Variants in CAMTA1 observed in about 807,000 individuals in gnomAD.
CAMTA1 encodes the protein calmodulin-binding transcription activator 1.
Under a neutral mutation model 170.9 loss-of-function variants are expected in CAMTA1, and 27 were observed. The ratio of observed to expected loss-of-function variants is 0.16; its 90% confidence interval spans 0.12 to 0.22. CAMTA1 has a LOEUF of 0.22. CAMTA1 is among the 10% of genes least tolerant of loss of function. The pLI is 1.00. For synonymous variants in CAMTA1, 833 were observed against 891.5 expected (o/e 0.93, Z 1.17); for missense variants, 1,619 against 2,217.2 (o/e 0.73, Z 5.42).
intron 3 of CAMTA1, among the ~76,000 whole-genome samples, chr1:6,839,409 C>A (rs1016048793): frequency 3.3e-5 from 5 of 151,866 alleles, no homozygotes; most frequent in Admixed American, 2.6e-4. Context: ...AACAAAAAAC[C>A]CCCCCAAAAT....
intron 7 of CAMTA1, among the ~76,000 whole-genome samples, chr1:7,650,288 G>A (rs1334781596): frequency 1.3e-5 from 2 of 152,340 alleles, no homozygotes; most frequent in East Asian, 3.9e-4. Context: ...AGAGCCTCAG[G>A]ATGGCTCTAA....
intron 4 of CAMTA1, among the ~76,000 whole-genome samples, chr1:7,167,030 C>G (rs1168548744): frequency 1.3e-5 from 2 of 152,046 alleles, no homozygotes; most frequent in African/African-American, 4.8e-5. Context: ...AGACTGTTCT[C>G]AAACTCCTGA....
chr1:7,379,482 A>C (rs773534879), intron 5 of CAMTA1, among the ~76,000 whole-genome samples: 1 of 152,166 alleles, frequency 6.6e-6, no homozygotes, highest in Non-Finnish European at 1.5e-5. Flanking sequence ...TTCTTTGGTG[A>C]TGTAATTTAA....
intron 11 of CAMTA1, among the ~76,000 whole-genome samples, chr1:7,730,856 G>GC (rs1359819121): frequency 1.3e-5 from 2 of 151,976 alleles, no homozygotes; most frequent in Non-Finnish European, 1.5e-5. Context: ...CCAAGATCAT[G>GC]CCATTGCACT....
chr1:7,329,341 G>A (rs1202867411), intron 5 of CAMTA1, among the ~76,000 whole-genome samples: 1 of 152,142 alleles, frequency 6.6e-6, no homozygotes, highest in Non-Finnish European at 1.5e-5. Flanking sequence ...TGTTGCAGGT[G>A]TGTTCAAAAT....
At chr1:7,693,913 A>G (rs1475102731) in intron 11 of CAMTA1, 1 of 152,214 alleles carries the variant, frequency 6.6e-6, no homozygotes, top group Non-Finnish European at 1.5e-5. Context: ...GGCACAGCCA[A>G]CCCCTACCCT....
chr1:7,231,001 T>C (rs1039497368), intron 4 of CAMTA1, among the ~76,000 whole-genome samples: 3 of 151,852 alleles, frequency 2.0e-5, no homozygotes, highest in African/African-American at 2.4e-5. Context: ...TGGCAGCAAA[T>C]AGGAGCCATG....
rs938838534 is a variant in CAMTA1, at chr1:6,886,765, C to T, written c.234+61555C>T. Among the ~76,000 whole-genome samples the T allele has an allele frequency of 6.6e-5, 10 of 152,208 alleles. 1 individual carries two copies. The highest frequency in any genetic ancestry group is 1.3e-4 in the Non-Finnish European group (9 of 68,030). On this transcript the variant is annotated intron_variant, in intron 3 of 22. Coordinates refer to ENST00000303635, the MANE Select transcript of CAMTA1 (RefSeq NM_015215.4). ...ACAGTGTGGAGTGTTTTATCTACAG[C>T]CACTCCCTTTTTGACCCTTCCCCCA...
rs1012672442 is a variant in CAMTA1 at position 7,547,278 on chromosome 1, T to C, written c.510+79377T>C. ...AAAGTGGTGTTTAGAAGCCAAGATC[T>C]GGGCCTGAGTATGCTCACTGCTCCC... On this transcript the variant is annotated intron_variant, in intron 6 of 22. Coordinates refer to ENST00000303635, the MANE Select transcript of CAMTA1 (RefSeq NM_015215.4). The surrounding 1 kb of genome is among the most constrained non-coding windows in gnomAD (Gnocchi z 5.7). Among the ~76,000 whole-genome samples, 1 of 152,066 alleles carries C rather than the reference T, an allele frequency of 6.6e-6. No homozygotes were observed. Among genetic ancestry groups the C allele is most frequent in the Admixed American group, 6.6e-5 (1 of 15,262 alleles).
intron 22 of CAMTA1, among the ~76,000 whole-genome samples, chr1:7,765,958 C>T (rs1423825464): frequency 1.4e-5 from 2 of 145,876 alleles, no homozygotes. Flanking sequence ...ACCCGGGAGG[C>T]GGAGGTTGCA....
At chr1:6,792,665 A>G (rs376625061) in intron 1 of CAMTA1, among the ~76,000 whole-genome samples, 2 of 152,026 alleles carry the variant, frequency 1.3e-5, no homozygotes, top group African/African-American at 4.8e-5. Context: ...AGGTTCCTCC[A>G]TATTCAACCT....
intron 6 of CAMTA1, among the ~76,000 whole-genome samples, chr1:7,571,802 CA>C (rs2095129714): frequency 6.6e-6 from 1 of 152,176 alleles, no homozygotes; most frequent in African/African-American, 2.4e-5. Context: ...TGAACATATG[CA>C]TGCGTGTGTC....
Position 7,008,990 on chromosome 1 carries a change from A to C in CAMTA1, c.235-82314A>C, listed in dbSNP as rs1699407088. ...ATGGGGAAGGAGCATCTCCTGGGCC[A>C]GGAGTCCTTGGGAGCCTCCAGCATC... On this transcript the variant is annotated intron_variant, in intron 3 of 22. Coordinates refer to ENST00000303635, the MANE Select transcript of CAMTA1 (RefSeq NM_015215.4). Among the ~76,000 whole-genome samples, 2 of 152,228 alleles carry C rather than the reference A, an allele frequency of 1.3e-5. 1 individual carries two copies. Among genetic ancestry groups the C allele is most frequent in the South Asian group, 4.1e-4 (2 of 4,828 alleles).
At chr1:7,165,724 G>A (rs955685083) in intron 4 of CAMTA1, among the ~76,000 whole-genome samples, 4 of 152,122 alleles carry the variant, frequency 2.6e-5, no homozygotes, top group Admixed American at 1.3e-4. Context: ...GAGCCACCAC[G>A]CCTGGCCACA....
intron 7 of CAMTA1, among the ~76,000 whole-genome samples, chr1:7,655,123 CACCT>C (rs1291634156): frequency 4.9e-5 from 6 of 121,830 alleles, no homozygotes; most frequent in East Asian, 6.5e-4. Context: ...CCTATACACA[CACCT>C]CTATACACAC....
At chr1:7,537,554 C>T (rs1231099325) in intron 6 of CAMTA1, among the ~76,000 whole-genome samples, 1 of 152,238 alleles carries the variant, frequency 6.6e-6, no homozygotes, top group Non-Finnish European at 1.5e-5. Flanking sequence ...GGGCTGAGCC[C>T]ACGAGGCTGC....
At chr1:7,517,124 T>G (rs1371428472) in intron 6 of CAMTA1, among the ~76,000 whole-genome samples, 3 of 152,250 alleles carry the variant, frequency 2.0e-5, no homozygotes, top group African/African-American at 7.2e-5. Context: ...GACATAGATC[T>G]GCATAATCCT....
chr1:7,312,663 G>A (rs1208377627), intron 5 of CAMTA1, among the ~76,000 whole-genome samples: 3 of 152,162 alleles, frequency 2.0e-5, no homozygotes, highest in Non-Finnish European at 4.4e-5. Flanking sequence ...TCACTTTCCA[G>A]GTGCTGTCCT....
At chr1:7,019,653 C>T (rs139459271) in intron 3 of CAMTA1, among the ~76,000 whole-genome samples, 36 of 152,314 alleles carry the variant, frequency 2.4e-4, no homozygotes, top group Non-Finnish European at 4.7e-4. Context: ...AACTGAAAGC[C>T]AGGGTCTGTT....
Sources: gnomAD v4.1 joint callset for allele counts (sites outside exome capture counted in the v4.1 genomes callset) on GRCh38, gnomAD v4.1.1 for gene constraint, Gnocchi (gnomAD v3.1) non-coding constraint, MANE v1.5 for transcripts, NCBI Gene and HGNC (gene_info 2026-07-23, HGNC 2026-07-21) for gene names.